The following JMY variants were observed in gnomAD, a reference collection of about 807,000 sequenced individuals.
JMY encodes the protein junction mediating and regulatory protein, p53 cofactor, also known as junction-mediating and -regulatory protein.
A neutral mutation model predicts 103.3 loss-of-function variants in JMY; 46 were observed. The observed-to-expected ratio is 0.45, with a 90% confidence interval of 0.35 to 0.57. The LOEUF is 0.57. Among genes scored for constraint, JMY ranks in the 20% least tolerant of loss-of-function variants. The pLI is 0.00. For synonymous variants in JMY, 526 were observed against 489.3 expected (o/e 1.07, Z -0.99); for missense variants, 1,238 against 1,255.2 (o/e 0.99, Z 0.21).
intron 1 of JMY, among the ~76,000 whole-genome samples, chr5:79,258,766 G>A (rs759883517): frequency 6.6e-6 from 1 of 152,134 alleles, no homozygotes; most frequent in Non-Finnish European, 1.5e-5. Flanking sequence ...CCTTAAAGAG[G>A]GTGTCACCGC....
chr5:79,236,954 C>G lies in JMY; in HGVS notation c.304C>G (p.Pro102Ala). 6.9e-7 allele frequency: 1 copy of G among 1,449,172 alleles called. No individual in the cohort carries two copies. Among genetic ancestry groups the G allele is most frequent in the Non-Finnish European group, 9.1e-7 (1 of 1,103,550 alleles). 89.8% of individuals were successfully genotyped at this position (1,449,172 alleles called of 1,614,324 possible). A position where few individuals can be genotyped will look rare whatever the true frequency, so the allele number is the denominator to read the frequency against. The change falls in exon 1 of 11, where the codon CCC (proline) becomes GCC (alanine). Residue 102 changes from proline to alanine, a missense_variant. Coordinates refer to ENST00000396137, the MANE Select transcript of JMY (RefSeq NM_152405.5). ...TGCCTCTGCAACTCTGGTTAGGAGC[C>G]CCGGGCCCCGGCGGAGCTCGGCCTG... ...ATASATLVRS[P>A]GPRRSSAWAE...
intron 7 of JMY, among the ~76,000 whole-genome samples, chr5:79,311,437 G>A (rs1469998522): frequency 1.3e-5 from 2 of 152,166 alleles, no homozygotes; most frequent in Non-Finnish European, 1.5e-5. Flanking sequence ...GGGAAGAGGA[G>A]AGAAATGATA....
intron 7 of JMY, among the ~76,000 whole-genome samples, chr5:79,307,295 G>A (rs1746913395): frequency 6.6e-6 from 1 of 152,202 alleles, no homozygotes; most frequent in Non-Finnish European, 1.5e-5. Flanking sequence ...TATGGTAAGA[G>A]TGTATTTAGT....
chr5:79,312,525 G>GT (rs749897796), intron 8 of JMY, 27 bp downstream of exon 8: 12 of 1,035,382 alleles, frequency 1.2e-5, no homozygotes, highest in South Asian at 6.8e-5. Flanking sequence ...TCCATTTATT[G>GT]TTTTTCTTTT....
chr5:79,278,585 C>CAAAAAAAAAAAAAAAA (rs34278536), intron 2 of JMY, among the ~76,000 whole-genome samples: 1 of 57,282 alleles, frequency 1.7e-5, no homozygotes, highest in Non-Finnish European at 3.0e-5. Flanking sequence ...CCCGTCTCTA[C>CAAAAAAAAAAAAAAAA]AAAAAAAAAA....
At chr5:79,284,373 C>G in intron 2 of JMY, 3 of 1,305,566 alleles carry the variant, frequency 2.3e-6, no homozygotes, top group Non-Finnish European at 3.3e-6. Context: ...TTATTGACCA[C>G]TTCTTTCAAG....
In JMY at chr5:79,239,912, A is replaced by T. The variant is rs535075163; in HGVS notation, c.1032+2230A>T. ...AAGCTCTCAAAAAATATAATTTTCT[A>T]GAACTCTTTAAAAAGGGGATTACAT... On this transcript the variant is annotated intron_variant, in intron 1 of 10. Coordinates refer to ENST00000396137, the MANE Select transcript of JMY (RefSeq NM_152405.5). 5.2e-3 allele frequency among the ~76,000 whole-genome samples: 795 copies of T among 152,202 alleles called. 5 individuals are homozygous for T. The highest frequency in any genetic ancestry group is 8.8e-3 in the Non-Finnish European group (601 of 68,000).
intron 1 of JMY, 71 bp downstream of exon 1, chr5:79,237,753 G>A: frequency 7.1e-7 from 1 of 1,409,790 alleles, no homozygotes; most frequent in Non-Finnish European, 9.6e-7. Context: ...AAAGGCTGGA[G>A]CCTCGGTGTC....
At position 79,316,197 on chromosome 5, in the gene JMY, A is replaced by G; in HGVS notation, c.2857A>G (p.Thr953Ala). The G allele has an allele frequency of 6.2e-7, 1 of 1,614,150 alleles. No individual in the cohort carries two copies. The highest frequency in any genetic ancestry group is 8.5e-7 in the Non-Finnish European group (1 of 1,179,978). Residue 953 changes from threonine to alanine, a missense_variant, in exon 10 of 11, where the codon ACA (threonine) becomes GCA (alanine). Coordinates refer to ENST00000396137, the MANE Select transcript of JMY (RefSeq NM_152405.5). ...AGAATCCTTCACACTTCTACCCGAT[A>G]CAGACCCTCTAACACGGAGCATCCA... ...LRESFTLLPDTDPLTRSIHEA... is the reference protein window; with the variant it reads ...LRESFTLLPDADPLTRSIHEA...
intron 1 of JMY, among the ~76,000 whole-genome samples, chr5:79,242,583 T>C (rs1744773734): frequency 6.6e-6 from 1 of 152,166 alleles, no homozygotes; most frequent in Non-Finnish European, 1.5e-5. Context: ...TCACCAAGGC[T>C]AAACAGCTGA....
At chr5:79,297,453 A>G (rs1271683738) in intron 4 of JMY, among the ~76,000 whole-genome samples, 1 of 152,096 alleles carries the variant, frequency 6.6e-6, no homozygotes, top group African/African-American at 2.4e-5. Context: ...TCAGCTGAGG[A>G]CAGGAAAACT....
chr5:79,239,085 A>T (rs1334108899), intron 1 of JMY, among the ~76,000 whole-genome samples: 1 of 152,134 alleles, frequency 6.6e-6, no homozygotes, highest in Non-Finnish European at 1.5e-5. Flanking sequence ...TTTTCGTAGA[A>T]TATTAGATAT....
At chr5:79,289,005 C>T (rs1269769693) in intron 2 of JMY, among the ~76,000 whole-genome samples, 6 of 151,722 alleles carry the variant, frequency 4.0e-5, no homozygotes, top group Admixed American at 6.6e-5. Flanking sequence ...GAGGCTGTGG[C>T]GGTCGGATCA....
intron 1 of JMY, among the ~76,000 whole-genome samples, chr5:79,247,118 T>G (rs1048640629): frequency 6.6e-6 from 1 of 152,054 alleles, no homozygotes; most frequent in Non-Finnish European, 1.5e-5. Flanking sequence ...AGAAAGAGAG[T>G]GAGGATAAGT....
intron 9 of JMY, among the ~76,000 whole-genome samples, chr5:79,315,778 C>T (rs1747199001): frequency 1.3e-5 from 2 of 152,140 alleles, no homozygotes; most frequent in South Asian, 4.1e-4. Context: ...GATAGGAATA[C>T]CAACAGTACC....
intron 4 of JMY, among the ~76,000 whole-genome samples, chr5:79,294,920 C>T (rs1043152481): frequency 9.9e-5 from 15 of 151,360 alleles, no homozygotes; most frequent in Non-Finnish European, 1.6e-4. Flanking sequence ...TTTAACAATT[C>T]CCCATCTATT....
At chr5:79,273,771 T>C (rs1745851988) in intron 1 of JMY, among the ~76,000 whole-genome samples, 1 of 152,108 alleles carries the variant, frequency 6.6e-6, no homozygotes. Context: ...TCATCTCGGG[T>C]TGTGGGGGAA....
rs994839000 is a variant in JMY, at chr5:79,237,155, C to T, written c.505C>T (p.Arg169Trp). Residue 169 changes from arginine (R) to tryptophan (W), a missense_variant, in exon 1 of 11, where the codon CGG becomes TGG. Physicochemically the swap from Arg to Trp is moderately radical, Grantham distance 101. Coordinates refer to ENST00000396137, the MANE Select transcript of JMY (RefSeq NM_152405.5). Reference protein sequence around the residue: ...DAAGAAAAAARPAPREAQVSS... With the variant: ...DAAGAAAAAAWPAPREAQVSS... ...GGCGGGGGCAGCCGCTGCAGCAGCCCGGCCGGCGCCCAGAGAGGCCCAGGT... is the reference window on the plus strand; with the variant it reads ...GGCGGGGGCAGCCGCTGCAGCAGCCTGGCCGGCGCCCAGAGAGGCCCAGGT... The T allele has an allele frequency of 2.6e-6, 4 of 1,549,080 alleles. No homozygotes were observed. In the East Asian group the frequency reaches 7.3e-5, roughly 28 times the overall value.
At chr5:79,306,961 A>G (rs1349855897) in intron 7 of JMY, among the ~76,000 whole-genome samples, 1 of 152,180 alleles carries the variant, frequency 6.6e-6, no homozygotes, top group African/African-American at 2.4e-5. Flanking sequence ...TGATCTTTTT[A>G]TAGTCTTCAT....
Sources: gnomAD v4.1 joint callset for allele counts (sites outside exome capture counted in the v4.1 genomes callset) on GRCh38, gnomAD v4.1.1 for gene constraint, MANE v1.5 for transcripts, NCBI Gene and HGNC (gene_info 2026-07-23, HGNC 2026-07-21) for gene names.